ADGRB3: variants seen among roughly 807,000 people sequenced by gnomAD.
The protein encoded by ADGRB3 is brain-specific angiogenesis inhibitor 3.
In ADGRB3, 37 loss-of-function variants were observed where a neutral mutation model predicts 193.4. That is an observed-to-expected ratio of 0.19 (90% CI 0.15 to 0.25). The LOEUF (loss-of-function observed/expected upper bound fraction) is 0.25. ADGRB3 is among the 10% of genes least tolerant of loss of function. The pLI is 1.00. For missense variants in ADGRB3, 1,637 were observed against 1,852.9 expected, an observed-to-expected ratio of 0.88 and a Z score of 2.14; for synonymous variants, 690 against 644.2, an observed-to-expected ratio of 1.07 and a Z score of -1.08.
intron 6 of ADGRB3, among the ~76,000 whole-genome samples, chr6:68,945,169 G>T (rs1767741970): frequency 6.6e-6 from 1 of 152,116 alleles, no homozygotes; most frequent in African/African-American, 2.4e-5. Context: ...TCCCTTCAGA[G>T]AAGGACTACT....
chr6:69,082,480 T>C (rs1321435851), intron 17 of ADGRB3, among the ~76,000 whole-genome samples: 1 of 152,148 alleles, frequency 6.6e-6, no homozygotes, highest in Non-Finnish European at 1.5e-5. Context: ...TTCTACTTTT[T>C]TCCCCTCTCA....
At chr6:68,911,354 A>C (rs2150237470) in intron 3 of ADGRB3, among the ~76,000 whole-genome samples, 1 of 152,256 alleles carries the variant, frequency 6.6e-6, no homozygotes, top group East Asian at 1.9e-4. Flanking sequence ...ACAACATGGC[A>C]CATGTATACG....
At chr6:68,680,259 G>A (rs1244253260) in intron 3 of ADGRB3, among the ~76,000 whole-genome samples, 1 of 151,132 alleles carries the variant, frequency 6.6e-6, no homozygotes, top group Non-Finnish European at 1.5e-5. Flanking sequence ...GTAGGAGGAG[G>A]AAAGAAGAAT....
intron 17 of ADGRB3, among the ~76,000 whole-genome samples, chr6:69,105,370 T>A (rs1314978482): frequency 6.6e-6 from 1 of 152,140 alleles, no homozygotes; most frequent in Non-Finnish European, 1.5e-5. Flanking sequence ...TCTGCTGCTA[T>A]TTTGCCCTCC....
intron 14 of ADGRB3, 108 bp from the exon 15 acceptor site, chr6:69,049,163 C>A: frequency 1.3e-6 from 1 of 772,700 alleles, no homozygotes; most frequent in Non-Finnish European, 2.1e-6. Flanking sequence ...CAGGCTTTAT[C>A]TTTGCCTAAG....
chr6:69,024,972 G>T (rs12529202), intron 13 of ADGRB3, among the ~76,000 whole-genome samples: 17,050 of 151,712 alleles, frequency 0.11, 1,133 homozygotes, highest in Middle Eastern at 0.25. Flanking sequence ...GGCACCTGTA[G>T]TCCCAGCTAC....
chr6:69,031,519 C>CTCTTTCTTTTTCTTTCTT (rs1554248704), intron 13 of ADGRB3, among the ~76,000 whole-genome samples: 27 of 21,270 alleles, frequency 1.3e-3, no homozygotes, highest in African/African-American at 2.6e-3. Context: ...TTTGAGTTGT[C>CTCTTTCTTTTTCTTTCTT]TCTTTCTTTC....
At chr6:68,898,371 T>C (rs1350277111) in intron 3 of ADGRB3, among the ~76,000 whole-genome samples, 1 of 152,136 alleles carries the variant, frequency 6.6e-6, no homozygotes, top group Non-Finnish European at 1.5e-5. Flanking sequence ...TGAGGGAAAA[T>C]CTCTTTACTC....
In ADGRB3 at chr6:69,338,902, C is replaced by CT; in HGVS notation, c.3189-13dup. Reference sequence around the variant, plus strand: ...ATATTTTGTTCTTTTTGTGGGTGTTCTGTTTGTTTGCAGTCAGATGAGTGA... The same window carrying CT: ...ATATTTTGTTCTTTTTGTGGGTGTTCTTGTTTGTTTGCAGTCAGATGAGTGA... On this transcript the variant is annotated splice_polypyrimidine_tract_variant and intron_variant, in intron 24 of 31. Transcript: ENST00000370598. 1 of 1,604,754 alleles carries CT rather than the reference C, an allele frequency of 6.2e-7. No individual in the cohort carries two copies. The highest frequency in any genetic ancestry group is 8.5e-7 in the Non-Finnish European group (1 of 1,175,332).
At chr6:69,129,693 T>C (rs1773952462) in intron 17 of ADGRB3, among the ~76,000 whole-genome samples, 2 of 152,318 alleles carry the variant, frequency 1.3e-5, no homozygotes, top group Admixed American at 1.3e-4. Flanking sequence ...AGCCTTGGGA[T>C]GCTGTTCTAT....
chr6:69,202,457 A>AAG (rs562098807), intron 17 of ADGRB3, among the ~76,000 whole-genome samples: 5 of 151,708 alleles, frequency 3.3e-5, no homozygotes, highest in Admixed American at 6.6e-5. Context: ...CTCCACTTGA[A>AAG]AGAGAGAGAG....
chr6:69,302,990 A>G (rs541481581), intron 20 of ADGRB3, among the ~76,000 whole-genome samples: 19 of 152,104 alleles, frequency 1.2e-4, no homozygotes, highest in African/African-American at 4.3e-4. Context: ...GAGGAATTAC[A>G]TAAGACAACT....
At chr6:69,226,781 G>C (rs569106347) in intron 17 of ADGRB3, among the ~76,000 whole-genome samples, 1 of 152,228 alleles carries the variant, frequency 6.6e-6, no homozygotes, top group African/African-American at 2.4e-5. Flanking sequence ...GGTTAATTGC[G>C]TATAACCTCA....
chr6:68,989,006 G>C (rs368400218), intron 10 of ADGRB3, among the ~76,000 whole-genome samples: 1 of 152,020 alleles, frequency 6.6e-6, no homozygotes, highest in South Asian at 2.1e-4. Flanking sequence ...CTGCCTGAAG[G>C]CTCCACACCC....
chr6:69,387,101 T>C (rs1376029837), intron 31 of ADGRB3, among the ~76,000 whole-genome samples: 1 of 152,082 alleles, frequency 6.6e-6, no homozygotes, highest in Admixed American at 6.6e-5. Flanking sequence ...TTTGCAGATA[T>C]TCAGGTTGAG....
chr6:68,906,511 A>G (rs1427399176), intron 3 of ADGRB3, among the ~76,000 whole-genome samples: 1 of 151,978 alleles, frequency 6.6e-6, no homozygotes, highest in Admixed American at 6.6e-5. Context: ...AAGTAGACTT[A>G]CTGGGTCAAA....
At chr6:69,018,301 G>A (rs2150287161) in intron 12 of ADGRB3, 90 bp from the exon 13 acceptor site, 1 of 724,132 alleles carries the variant, frequency 1.4e-6, no homozygotes. Context: ...AAGCTCATTT[G>A]TGATTTCATG....
intron 17 of ADGRB3, among the ~76,000 whole-genome samples, chr6:69,225,889 C>T (rs60952802): frequency 6.6e-6 from 1 of 152,190 alleles, no homozygotes; most frequent in African/African-American, 2.4e-5. Flanking sequence ...TGATGATTTG[C>T]CTGTTGACTA....
chr6:69,038,399 C>T (rs568176936), intron 13 of ADGRB3, among the ~76,000 whole-genome samples: 42 of 152,120 alleles, frequency 2.8e-4, no homozygotes, highest in Non-Finnish European at 5.4e-4. Context: ...TTGTTTTGTA[C>T]TTGGTTTATT....
Sources: gnomAD v4.1 joint callset for allele counts (sites outside exome capture counted in the v4.1 genomes callset) on GRCh38, gnomAD v4.1.1 for gene constraint, MANE v1.5 for transcripts, NCBI Gene and HGNC (gene_info 2026-07-23, HGNC 2026-07-21) for gene names.